ZNF273: variants seen among roughly 807,000 people sequenced by gnomAD.
The protein encoded by ZNF273 is zinc finger protein 9.
ZNF273 carries 11 observed loss-of-function variants against 14.9 expected under a neutral mutation model. The observed-to-expected ratio is 0.74, with a 90% CI of 0.46 to 1.22. ZNF273 has a LOEUF of 1.22. Among genes scored for constraint, ZNF273 ranks in the 50% most tolerant of loss-of-function variants. The pLI is 0.00. For missense variants in ZNF273, 577 were observed against 660.6 expected, an observed-to-expected ratio of 0.87 and a Z score of 1.39; for synonymous variants, 199 against 223.9, an observed-to-expected ratio of 0.89 and a Z score of 0.99.
chr7:64,883,398 G>C (rs1324840602), downstream of ZNF273, among the ~76,000 whole-genome samples: 1 of 152,106 alleles, frequency 6.6e-6, no homozygotes, highest in Non-Finnish European at 1.5e-5. Flanking sequence ...GCTTCACGTC[G>C]TGAGGCGGGC....
In ZNF273 at chr7:64,928,672, T is replaced by G. The variant is rs768377540; in HGVS notation, c.1344T>G (p.His448Gln). The change falls in exon 4 of 4, where the codon CAT becomes CAG. Residue 448 changes from histidine to glutamine, a missense_variant. Coordinates refer to ENST00000476120, the MANE Select transcript of ZNF273 (RefSeq NM_021148.3). The stretch of plus-strand genomic sequence containing the variant: ...GTGTATTCTCAACCCTTACTAAACA[T>G]AAGATAATTCATACTGGAGCAAAAC... ...AFSVFSTLTK[H>Q]KIIHTGAKPY... The G allele has an allele frequency of 6.2e-7, 1 of 1,612,826 alleles. No homozygotes were observed. The highest frequency in any genetic ancestry group is 1.3e-5 in the African/African-American group (1 of 75,010).
chr7:64,919,906 TTC>T (rs1380004852), intron 3 of ZNF273, among the ~76,000 whole-genome samples: 2 of 152,082 alleles, frequency 1.3e-5, no homozygotes, highest in African/African-American at 4.8e-5. Context: ...TGGCTATTTT[TTC>T]TTTTTTTTTT....
chr7:64,932,239 AT>A (rs1433001800), downstream of ZNF273, among the ~76,000 whole-genome samples: 7 of 148,656 alleles, frequency 4.7e-5, no homozygotes, highest in African/African-American at 7.6e-5. Flanking sequence ...AAAAAAAAAA[AT>A]ATCTTACTAG....
intron 1 of ZNF273, among the ~76,000 whole-genome samples, chr7:64,903,718 AGGGT>A (rs1792892918): frequency 6.6e-6 from 1 of 152,188 alleles, no homozygotes; most frequent in South Asian, 2.1e-4. Flanking sequence ...CTCGGGATGC[AGGGT>A]TCATGACTAG....
intron 1 of ZNF273, among the ~76,000 whole-genome samples, chr7:64,887,632 A>G (rs7800047): frequency 0.97 from 146,815 of 151,680 alleles, 71,242 homozygotes; most frequent in East Asian, 1. Context: ...CAAGTAGCTG[A>G]GATTACAGGC....
intron 3 of ZNF273, among the ~76,000 whole-genome samples, chr7:64,918,604 T>C (rs1373131623): frequency 7.6e-6 from 1 of 132,232 alleles, no homozygotes; most frequent in Non-Finnish European, 1.5e-5. Flanking sequence ...GAGGTTGCAG[T>C]GAGCCAAGAT....
At chr7:64,895,570 G>A (rs1200114720) in intron 3 of ZNF273, among the ~76,000 whole-genome samples, 1 of 152,050 alleles carries the variant, frequency 6.6e-6, no homozygotes, top group Non-Finnish European at 1.5e-5. Context: ...CATTTCAAAC[G>A]AAACCACAGG....
At position 64,927,783 on chromosome 7, in the gene ZNF273, G is replaced by C. The variant is rs147371654; in HGVS notation, c.455G>C (p.Ser152Thr). ...ENLQLRKGCK[S>T]ADEHKVHKRG... ...TTACAATTAAGAAAAGGCTGTAAAAGTGCGGATGAGCATAAGGTGCACAAA... is the reference window on the plus strand; with the variant it reads ...TTACAATTAAGAAAAGGCTGTAAAACTGCGGATGAGCATAAGGTGCACAAA... Residue 152 changes from serine to threonine, a missense_variant, in exon 4 of 4, where the codon AGT becomes ACT. This residue lies in a region of ZNF273 where 162 missense variants were observed against 203.5 expected (regional missense o/e 0.80). Transcript: ENST00000476120. 2.5e-6 allele frequency: 4 copies of C among 1,613,830 alleles called. No homozygotes were observed. In the African/African-American group the frequency reaches 5.3e-5, roughly 22 times the overall value.
chr7:64,911,480 T>C (rs13246774), intron 1 of ZNF273, among the ~76,000 whole-genome samples: 139,217 of 152,050 alleles, frequency 0.92, 64,020 homozygotes, highest in South Asian at 0.97. Context: ...TCAGGCTGGT[T>C]TCGAACTCCC....
At chr7:64,918,347 T>G (rs1794160432) in intron 3 of ZNF273, 55 bp downstream of exon 3, 4 of 1,461,644 alleles carry the variant, frequency 2.7e-6, no homozygotes, top group Admixed American at 2.0e-5. Flanking sequence ...GGTCTAAAGG[T>G]CAAGGAGAAA....
chr7:64,900,049 C>T (rs1234480515), upstream of ZNF273, among the ~76,000 whole-genome samples: 1 of 152,102 alleles, frequency 6.6e-6, no homozygotes, highest in African/African-American at 2.4e-5. Flanking sequence ...CCACACCCTG[C>T]CTGGTTTCAA....
At chr7:64,932,345 T>G (rs1049867767), downstream of ZNF273, among the ~76,000 whole-genome samples, 3 of 152,232 alleles carry the variant, frequency 2.0e-5, no homozygotes, top group Non-Finnish European at 2.9e-5. Context: ...GGTTTCACTC[T>G]TGTTGCCCAG....
chr7:64,915,246 A>G (rs1443395335), intron 1 of ZNF273, among the ~76,000 whole-genome samples: 1 of 151,854 alleles, frequency 6.6e-6, no homozygotes, highest in African/African-American at 2.4e-5. Flanking sequence ...CAACATTCCT[A>G]TTGGGGAAAA....
rs115461641 is a variant in ZNF273 at position 64,924,670 on chromosome 7, A to G, written c.326-2984A>G. Reference sequence around the variant, plus strand: ...CTTAAGATGTAGCTTGTGTAATACTATTTTGACGTCTGCTGCTCTCGTTTT... The same window carrying G: ...CTTAAGATGTAGCTTGTGTAATACTGTTTTGACGTCTGCTGCTCTCGTTTT... On this transcript the variant is annotated intron_variant, in intron 3 of 3. Coordinates refer to ENST00000476120, the MANE Select transcript of ZNF273 (RefSeq NM_021148.3). 3.9e-3 allele frequency among the ~76,000 whole-genome samples: 590 copies of G among 152,242 alleles called. 11 individuals carry two copies. The highest frequency in any genetic ancestry group is 0.014 in the African/African-American group (572 of 41,540).
At chr7:64,921,252 C>T (rs1044338041) in intron 3 of ZNF273, among the ~76,000 whole-genome samples, 4 of 151,798 alleles carry the variant, frequency 2.6e-5, no homozygotes, top group South Asian at 2.1e-4. Context: ...TTAGTAGAGA[C>T]GAGGTTTCAC....
chr7:64,934,213 T>C (rs1272870550), downstream of ZNF273, among the ~76,000 whole-genome samples: 1 of 152,032 alleles, frequency 6.6e-6, no homozygotes, highest in Non-Finnish European at 1.5e-5. Flanking sequence ...ACATTTTTTT[T>C]TATATTAAAG....
chr7:64,917,648 C>T lies in ZNF273; in HGVS notation c.170C>T (p.Ser57Leu), dbSNP rs1415337491. The stretch of plus-strand genomic sequence containing the variant: ...GAGGAGTGGCAATGCCTGGACACTT[C>T]ACAGCAGAATTTGTATAGGAATGTG... ...SLEEWQCLDTSQQNLYRNVML... is the reference protein window; with the variant it reads ...SLEEWQCLDTLQQNLYRNVML... Residue 57 changes from serine to leucine, a missense_variant, in exon 2 of 4, where the codon TCA becomes TTA. Ser to Leu is a moderately radical substitution (Grantham distance 145, BLOSUM62 -2). Coordinates refer to ENST00000476120, the MANE Select transcript of ZNF273 (RefSeq NM_021148.3). 6.2e-7 allele frequency: 1 copy of T among 1,600,384 alleles called. No homozygotes were observed. Among genetic ancestry groups the T allele is most frequent in the Non-Finnish European group, 8.5e-7 (1 of 1,171,446 alleles).
intron 1 of ZNF273, among the ~76,000 whole-genome samples, chr7:64,914,180 GTATTTTTT>G (rs1793776392): frequency 1.6e-5 from 1 of 63,080 alleles, no homozygotes; most frequent in African/African-American, 6.5e-5. Context: ...GGTAATTTTT[GTATTTTTT>G]TTTTTTTTTT....
chr7:64,915,355 C>T (rs1220223919), intron 1 of ZNF273, among the ~76,000 whole-genome samples: 3 of 152,148 alleles, frequency 2.0e-5, no homozygotes, highest in African/African-American at 7.2e-5. Context: ...AGTGGGAAAT[C>T]AGGGGTCTCA....
Sources: allele counts gnomAD v4.1 joint callset (sites outside exome capture counted in the v4.1 genomes callset), GRCh38; gene constraint gnomAD v4.1.1; regional missense constraint gnomAD v4.1.1; transcripts MANE v1.5; gene names NCBI Gene and HGNC (gene_info 2026-07-23, HGNC 2026-07-21).